VPS13C: variants seen among roughly 807,000 people sequenced by gnomAD.
VPS13C encodes vacuolar protein sorting 13 homolog C.
Under a neutral mutation model 456.8 loss-of-function variants are expected in VPS13C, and 358 were observed. The observed-to-expected ratio is 0.78, with a 90% CI of 0.72 to 0.86. The LOEUF (loss-of-function observed/expected upper bound fraction) is 0.86, where lower values mean the gene tolerates loss of function less well. Ranked by LOEUF, VPS13C falls within the 40% of genes least tolerant of loss-of-function variation. VPS13C has a pLI of 0.00. For missense variants in VPS13C, 4,818 were observed against 4,385.4 expected (o/e 1.10, Z -2.79); for synonymous variants, 1,578 against 1,486.7 (o/e 1.06, Z -1.41).
chr15:61,882,276 A>C (rs987515612), intron 69 of VPS13C, among the ~76,000 whole-genome samples: 2 of 152,160 alleles, frequency 1.3e-5, no homozygotes, highest in African/African-American at 4.8e-5. Context: ...CCTCCAGCAA[A>C]GCTCTGCTCT....
Position 62,035,026 on chromosome 15 carries a change from TC to T in VPS13C, c.213del (p.Trp71Ter). ...ACAACTGCTTCTCCATAAAGGTTCT[TC>T]CAAGGAATCTTCAAAGTTAATTTAT... is the stretch of plus-strand genomic sequence containing the variant. ...QIDKLTLKIP[W>X]KNLYGEAVVA... On this transcript the variant is annotated frameshift_variant, in exon 4 of 85. Coordinates refer to ENST00000644861, the MANE Select transcript of VPS13C (RefSeq NM_020821.3). LOFTEE classifies it high-confidence loss of function. 1 of 1,607,646 alleles carries T rather than the reference TC, an allele frequency of 6.2e-7. No homozygotes were observed. Among genetic ancestry groups the T allele is most frequent in the Non-Finnish European group, 8.5e-7 (1 of 1,176,158 alleles).
intron 67 of VPS13C, among the ~76,000 whole-genome samples, chr15:61,884,925 T>C (rs2140053836): frequency 6.6e-6 from 1 of 152,250 alleles, no homozygotes; most frequent in South Asian, 2.1e-4. Flanking sequence ...CTCTTGATAT[T>C]TGCCTTTTAG....
chr15:62,018,572 T>G (rs1212074701), intron 9 of VPS13C, among the ~76,000 whole-genome samples: 2 of 151,928 alleles, frequency 1.3e-5, no homozygotes, highest in Non-Finnish European at 2.9e-5. Context: ...TGGTTCTGTT[T>G]ATATGCTGGA....
chr15:61,984,129 T>C, intron 19 of VPS13C, 117 bp from the exon 20 acceptor site: 1 of 868,938 alleles, frequency 1.2e-6, no homozygotes. Context: ...CCATGCACAT[T>C]ATCCAGAGCT....
chr15:62,010,952 A>C (rs1407091871), intron 12 of VPS13C, among the ~76,000 whole-genome samples: 2 of 152,166 alleles, frequency 1.3e-5, no homozygotes, highest in Non-Finnish European at 2.9e-5. Context: ...CATTAAAAAT[A>C]CTAATACAAA....
At chr15:61,995,716 GC>G (rs1263960945) in intron 16 of VPS13C, among the ~76,000 whole-genome samples, 1 of 152,174 alleles carries the variant, frequency 6.6e-6, no homozygotes, top group African/African-American at 2.4e-5. Flanking sequence ...GCTAAATTCT[GC>G]CAAGGAAAGT....
Position 61,854,573 on chromosome 15 carries a change from A to C in VPS13C, c.11161-15T>G. 6.2e-7 allele frequency: 1 copy of C among 1,609,892 alleles called. No individual in the cohort carries two copies. Among genetic ancestry groups the C allele is most frequent in the Non-Finnish European group, 8.5e-7 (1 of 1,176,268 alleles). On this transcript the variant is annotated splice_polypyrimidine_tract_variant and intron_variant, in intron 84 of 84. Coordinates refer to ENST00000644861, the MANE Select transcript of VPS13C (RefSeq NM_020821.3). ...TTACATGCTCTCTGTAAAGTAAAAT[A>C]CTTATTATGAATTTTAAAGACAAGT...
chr15:61,867,989 G>T lies in VPS13C; in HGVS notation c.10863+670C>A. The T allele has an allele frequency of 7.6e-7, 1 of 1,317,366 alleles. No homozygotes were observed. Among genetic ancestry groups the T allele is most frequent in the Non-Finnish European group, 1.1e-6 (1 of 916,540 alleles). 81.6% of individuals were successfully genotyped at this position (1,317,366 alleles called of 1,614,324 possible). On this transcript the variant is annotated intron_variant, in intron 81 of 84. Transcript: ENST00000644861. This position sits in a 1 kb window ranked among gnomAD's most constrained non-coding sequence, Gnocchi z 5.0. ...ACAAAGAAAATAAAGTTAGAAGCAT[G>T]CAGAAAGATAGATAAAACGTAATCA...
chr15:61,880,208 A>C (rs1411573564), intron 73 of VPS13C, among the ~76,000 whole-genome samples: 2 of 152,114 alleles, frequency 1.3e-5, no homozygotes, highest in African/African-American at 4.8e-5. Flanking sequence ...GGGGGGAAAA[A>C]CACCACATCA....
chr15:61,935,855 G>C (rs1471717275), intron 48 of VPS13C: 1 of 152,184 alleles, frequency 6.6e-6, no homozygotes. Context: ...GTCATTTGAA[G>C]TAACAGCTGA....
chr15:62,002,249 T>C (rs1201781866), intron 15 of VPS13C, among the ~76,000 whole-genome samples: 2 of 152,244 alleles, frequency 1.3e-5, no homozygotes, highest in Non-Finnish European at 2.9e-5. Flanking sequence ...TGGTTTTGAT[T>C]TGCATTTCTC....
In VPS13C at chr15:61,869,641, C is replaced by A; in HGVS notation, c.10625-18G>T. The A allele has an allele frequency of 1.2e-6, 2 of 1,613,678 alleles. No homozygotes were observed. Among genetic ancestry groups the A allele is most frequent in the African/African-American group, 2.7e-5 (2 of 74,980 alleles). On this transcript the variant is annotated intron_variant, in intron 79 of 84. Coordinates refer to ENST00000644861, the MANE Select transcript of VPS13C (RefSeq NM_020821.3). ...TTTGGCACCTTCAGAAAACCAATGA[C>A]CATGAATGGATAAAGATATTTTTAA... is the stretch of plus-strand genomic sequence containing the variant.
intron 2 of VPS13C, among the ~76,000 whole-genome samples, chr15:62,043,617 A>C (rs2048309471): frequency 1.3e-5 from 2 of 152,184 alleles, no homozygotes; most frequent in African/African-American, 4.8e-5. Flanking sequence ...AAAAGAAATA[A>C]AAATAAAAAT....
chr15:61,881,019 C>G, intron 71 of VPS13C, 65 bp from the exon 72 acceptor site: 1 of 1,358,602 alleles, frequency 7.4e-7, no homozygotes, highest in South Asian at 1.3e-5. Context: ...AATGTTAAAA[C>G]TTTGATTTCA....
chr15:61,892,180 A>G (rs543444516), intron 66 of VPS13C, among the ~76,000 whole-genome samples: 1 of 152,362 alleles, frequency 6.6e-6, no homozygotes, highest in Admixed American at 6.5e-5. Flanking sequence ...ACAGACAAAG[A>G]GGAGAAGCAG....
At chr15:61,870,072 T>C (rs2140872682) in intron 79 of VPS13C, among the ~76,000 whole-genome samples, 1 of 152,362 alleles carries the variant, frequency 6.6e-6, no homozygotes, top group South Asian at 2.1e-4. Flanking sequence ...ATGCAATTCA[T>C]ATACCATAAA....
Position 62,041,331 on chromosome 15 carries a change from G to C in VPS13C, c.180C>G (p.Gly60=). The change falls in exon 3 of 85, where the codon GGC becomes GGG. Residue 60 remains glycine (G), a synonymous_variant. Transcript: ENST00000644861. ...GAAGACTAAAGTACTTACCAATTTGGCCAGCCTTGACTTTAAAAGGAACAT... is the reference window on the plus strand; with the variant it reads ...GAAGACTAAAGTACTTACCAATTTGCCCAGCCTTGACTTTAAAAGGAACAT... ...ELDVPFKVKA[G]QIDKLTLKIP... 6.2e-7 allele frequency: 1 copy of C among 1,606,584 alleles called. No homozygotes were observed. The highest frequency in any genetic ancestry group is 8.5e-7 in the Non-Finnish European group (1 of 1,178,050).
chr15:61,923,197 C>T (rs940062074), intron 53 of VPS13C, among the ~76,000 whole-genome samples: 62 of 134,124 alleles, frequency 4.6e-4, no homozygotes, highest in African/African-American at 1.7e-3. Context: ...CGGTATGCAA[C>T]AAGATCTTCT....
At chr15:62,008,823 T>C (rs1003887545) in intron 13 of VPS13C, 62 bp from the exon 14 acceptor site, 4 of 1,047,004 alleles carry the variant, frequency 3.8e-6, no homozygotes, top group Non-Finnish European at 5.2e-6. Context: ...AGACTAAATT[T>C]AATTCTATTT....
Sources: allele counts gnomAD v4.1 joint callset (sites outside exome capture counted in the v4.1 genomes callset), GRCh38; gene constraint gnomAD v4.1.1; non-coding constraint Gnocchi (gnomAD v3.1); transcripts MANE v1.5; gene names NCBI Gene and HGNC (gene_info 2026-07-23, HGNC 2026-07-21).